The following ANXA10 variants were observed in gnomAD, a reference collection of about 807,000 sequenced individuals.
ANXA10 encodes annexin A10, also known as annexin 14.
A neutral mutation model predicts 53.5 loss-of-function variants in ANXA10; 49 were observed. The ratio of observed to expected loss-of-function variants is 0.92; its 90% CI spans 0.73 to 1.16. ANXA10 has a LOEUF of 1.16. Among genes scored for constraint, ANXA10 ranks in the 50% most tolerant of loss-of-function variants. ANXA10 has a pLI of 0.00. For missense variants in ANXA10, 393 were observed against 394.4 expected (o/e 1.00, Z 0.03); for synonymous variants, 131 against 128.9 (o/e 1.02, Z -0.11).
chr4:168,093,489 C>G (rs1730492925), intron 1 of ANXA10, among the ~76,000 whole-genome samples: 1 of 151,970 alleles, frequency 6.6e-6, no homozygotes, highest in Non-Finnish European at 1.5e-5. Flanking sequence ...TGAATTTATG[C>G]CTTGTGGTCT....
At chr4:168,170,155 T>C (rs1731956540) in intron 6 of ANXA10, among the ~76,000 whole-genome samples, 1 of 152,142 alleles carries the variant, frequency 6.6e-6, no homozygotes, top group African/African-American at 2.4e-5. Context: ...GATATACATA[T>C]ATTTTAAAAT....
At chr4:168,152,335 A>G (rs1420874514) in intron 3 of ANXA10, among the ~76,000 whole-genome samples, 1 of 152,170 alleles carries the variant, frequency 6.6e-6, no homozygotes, top group Non-Finnish European at 1.5e-5. Context: ...ACTCCCACAG[A>G]TCTGCTATTC....
chr4:168,156,190 T>TTATATA (rs1553957754), intron 3 of ANXA10, among the ~76,000 whole-genome samples: 1 of 29,354 alleles, frequency 3.4e-5, no homozygotes, highest in African/African-American at 1.6e-4. Context: ...ATATTATATA[T>TTATATA]TATATATAAT....
rs1014563174 is a variant in ANXA10 at position 168,141,770 on chromosome 4, A to G, written c.195+2190A>G. On this transcript the variant is annotated intron_variant, in intron 3 of 11. Coordinates refer to ENST00000359299, the MANE Select transcript of ANXA10 (RefSeq NM_007193.5). ...ACAGAGAGTCCTGGGTTGGGTTTTT[A>G]TAACATTGGATTTTTCTTCACGTTC... Among the ~76,000 whole-genome samples, 4 of 152,282 alleles carry G rather than the reference A, an allele frequency of 2.6e-5. No homozygotes were observed. The East Asian group carries it at 7.7e-4, about 29-fold the overall frequency.
intron 1 of ANXA10, among the ~76,000 whole-genome samples, chr4:168,101,861 CATCT>C (rs1252503891): frequency 6.6e-6 from 1 of 152,102 alleles, no homozygotes; most frequent in East Asian, 1.9e-4. Flanking sequence ...TCTATCCATA[CATCT>C]ATCTACCATC....
At chr4:168,150,796 G>T (rs1179940626) in intron 3 of ANXA10, among the ~76,000 whole-genome samples, 6 of 152,120 alleles carry the variant, frequency 3.9e-5, no homozygotes, top group Non-Finnish European at 5.9e-5. Flanking sequence ...CCATAGACTG[G>T]CCAGAACCAC....
chr4:168,104,811 TTC>T (rs1482189295), intron 1 of ANXA10, among the ~76,000 whole-genome samples: 2 of 151,710 alleles, frequency 1.3e-5, no homozygotes, highest in South Asian at 2.1e-4. Context: ...TTATTTATTT[TTC>T]TCTTTTTAAT....
intron 6 of ANXA10, among the ~76,000 whole-genome samples, chr4:168,175,988 G>A (rs1318001825): frequency 6.8e-6 from 1 of 146,660 alleles, no homozygotes; most frequent in East Asian, 1.9e-4. Context: ...AATAGTGAAT[G>A]TGGGTGCACG....
At chr4:168,176,496 GC>G (rs2149480404) in intron 6 of ANXA10, among the ~76,000 whole-genome samples, 1 of 152,250 alleles carries the variant, frequency 6.6e-6, no homozygotes, top group South Asian at 2.1e-4. Context: ...CACTGTCCCT[GC>G]CATGGTCATA....
chr4:168,147,398 C>A (rs1405719959), intron 3 of ANXA10, among the ~76,000 whole-genome samples: 1 of 152,156 alleles, frequency 6.6e-6, no homozygotes, highest in Non-Finnish European at 1.5e-5. Context: ...CAAGAGGCGC[C>A]TTTGAGAAGC....
intron 2 of ANXA10, among the ~76,000 whole-genome samples, chr4:168,135,083 T>A (rs1369271853): frequency 1.3e-5 from 2 of 152,134 alleles, no homozygotes; most frequent in African/African-American, 2.4e-5. Flanking sequence ...GATTCTGCAG[T>A]AGGGATCAAG....
At chr4:168,140,182 C>T (rs960713249) in intron 3 of ANXA10, among the ~76,000 whole-genome samples, 2 of 152,204 alleles carry the variant, frequency 1.3e-5, no homozygotes, top group Non-Finnish European at 2.9e-5. Context: ...AGATTCCTTG[C>T]TTTTGCTATG....
At chr4:168,186,493 C>G (rs1732372881) in intron 11 of ANXA10, among the ~76,000 whole-genome samples, 1 of 152,170 alleles carries the variant, frequency 6.6e-6, no homozygotes, top group Non-Finnish European at 1.5e-5. Flanking sequence ...GATTAATGTC[C>G]TTATAAAATA....
At chr4:168,178,050 T>C in intron 8 of ANXA10, 67 bp downstream of exon 8, 1 of 1,421,098 alleles carries the variant, frequency 7.0e-7, no homozygotes, top group Non-Finnish European at 9.8e-7. Context: ...GGTGGTTAAC[T>C]AGAAACAAAA....
At chr4:168,141,070 A>G (rs1164403455) in intron 3 of ANXA10, among the ~76,000 whole-genome samples, 5 of 152,230 alleles carry the variant, frequency 3.3e-5, no homozygotes, top group Non-Finnish European at 5.9e-5. Flanking sequence ...TTTTAAAATG[A>G]AGTACTTACA....
At chr4:168,140,730 T>C (rs1367196764) in intron 3 of ANXA10, among the ~76,000 whole-genome samples, 2 of 152,094 alleles carry the variant, frequency 1.3e-5, no homozygotes, top group African/African-American at 2.4e-5. Context: ...GTGATGCCCC[T>C]GCCTCAGCCT....
intron 1 of ANXA10, among the ~76,000 whole-genome samples, chr4:168,095,124 G>A (rs1730520715): frequency 6.6e-6 from 1 of 151,826 alleles, no homozygotes; most frequent in Non-Finnish European, 1.5e-5. Context: ...TCTAAACCCA[G>A]GTATCTCTAC....
chr4:168,175,360 A>G (rs1732106521), intron 6 of ANXA10, among the ~76,000 whole-genome samples: 1 of 152,230 alleles, frequency 6.6e-6, no homozygotes, highest in African/African-American at 2.4e-5. Flanking sequence ...TCTTGGTATT[A>G]ATTAAAATCA....
intron 1 of ANXA10, among the ~76,000 whole-genome samples, chr4:168,126,624 C>T (rs1283896407): frequency 6.6e-6 from 1 of 152,066 alleles, no homozygotes; most frequent in Admixed American, 6.6e-5. Context: ...ACCAGCTCTT[C>T]CCCCCACACC....
Sources: gnomAD v4.1 joint callset for allele counts (sites outside exome capture counted in the v4.1 genomes callset) on GRCh38, gnomAD v4.1.1 for gene constraint, MANE v1.5 for transcripts, NCBI Gene and HGNC (gene_info 2026-07-23, HGNC 2026-07-21) for gene names.